CASD1: variants seen among roughly 807,000 people sequenced by gnomAD.
The protein encoded by CASD1 is CAS1 domain sialic acid O acetyltransferase 1, also known as N-acetylneuraminate (7)9-O-acetyltransferase.
CASD1 carries 41 observed loss-of-function variants against 100.0 expected under a neutral mutation model. The ratio of observed to expected loss-of-function variants is 0.41; its 90% CI spans 0.32 to 0.53. The LOEUF (loss-of-function observed/expected upper bound fraction) is 0.53. Ranked by LOEUF, CASD1 falls within the 20% of genes least tolerant of loss-of-function variation. The probability of loss-of-function intolerance (pLI) is 0.25; values close to 1 mark genes in which losing one functional copy is unlikely to be tolerated. For missense variants in CASD1, 774 were observed against 948.7 expected (o/e 0.82, Z 2.42); for synonymous variants, 321 against 315.6 (o/e 1.02, Z -0.18).
chr7:94,528,375 A>G, intron 5 of CASD1, 125 bp downstream of exon 5: 1 of 637,472 alleles, frequency 1.6e-6, no homozygotes, highest in Non-Finnish European at 2.6e-6. Flanking sequence ...TCTTAATAGC[A>G]ACTAAACTGT....
intron 1 of CASD1, among the ~76,000 whole-genome samples, chr7:94,512,907 A>G (rs978710118): frequency 2.6e-5 from 4 of 152,250 alleles, no homozygotes; most frequent in Non-Finnish European, 4.4e-5. Flanking sequence ...TGACTGAGCT[A>G]GGATTTAGAT....
the CASD1 span, chr7:94,623,263 T>C: frequency 2.0e-6 from 2 of 1,023,110 alleles, no homozygotes; most frequent in Non-Finnish European, 3.0e-6. Flanking sequence ...TTTTATGTAG[T>C]TATAAAACAT....
At chr7:94,511,825 G>A (rs1330445890) in intron 1 of CASD1, among the ~76,000 whole-genome samples, 1 of 151,998 alleles carries the variant, frequency 6.6e-6, no homozygotes. Context: ...TTAGATTATA[G>A]ATTTCATCTT....
the CASD1 span, chr7:94,618,780 G>T: frequency 6.2e-7 from 1 of 1,613,882 alleles, no homozygotes; most frequent in Non-Finnish European, 8.5e-7. Flanking sequence ...TCATTAATGG[G>T]AAGTGGCACC....
chr7:94,588,744 G>T, the CASD1 span: 1 of 1,613,160 alleles, frequency 6.2e-7, no homozygotes, highest in South Asian at 1.1e-5. Flanking sequence ...TAGAAATGAT[G>T]AACATTTTTG....
chr7:94,603,207 A>G, the CASD1 span: 1 of 1,076,252 alleles, frequency 9.3e-7, no homozygotes, highest in Non-Finnish European at 1.4e-6. Flanking sequence ...ATTTATTCCT[A>G]AAAGCAGTTC....
Position 94,551,443 on chromosome 7 carries a change from A to C in CASD1, c.1921A>C (p.Asn641His), listed in dbSNP as rs140680444. Residue 641 changes from asparagine to histidine, a missense_variant, in exon 15 of 18, where the codon AAT (asparagine) becomes CAT (histidine). Physicochemically the swap from Asn to His is moderately conservative, Grantham distance 68. This residue lies in a region of CASD1 where 175 missense variants were observed against 206.9 expected (regional missense o/e 0.85). Coordinates refer to ENST00000297273, the MANE Select transcript of CASD1 (RefSeq NM_022900.5). ...GEPLFSNKISNFLLFISVVSF... is the reference protein window; with the variant it reads ...GEPLFSNKISHFLLFISVVSF... Reference sequence around the variant, plus strand: ...ACCTCTTTTTTCAAACAAAATTTCAAATTTTCTGTTGTTTATTTCAGTAGT... The same window carrying C: ...ACCTCTTTTTTCAAACAAAATTTCACATTTTCTGTTGTTTATTTCAGTAGT... The C allele has an allele frequency of 2.0e-4, 307 of 1,528,162 alleles. No individual in the cohort carries two copies. In the African/African-American group the frequency reaches 3.9e-3, roughly 20 times the overall value. 94.7% of individuals were successfully genotyped at this position (1,528,162 alleles called of 1,614,324 possible).
chr7:94,623,894 A>G, the CASD1 span: 1 of 359,622 alleles, frequency 2.8e-6, no homozygotes, highest in East Asian at 4.0e-5. Context: ...TTTGGAAATC[A>G]TATCTCACTT....
rs1274260644 is a variant in CASD1 at position 94,555,686 on chromosome 7, G to C, written c.2322G>C (p.Arg774Ser). The C allele has an allele frequency of 1.9e-6, 3 of 1,613,166 alleles. No homozygotes were observed. ...AAGATAACTCATCTCTCTTGAAAAG[G>C]TTGGCATGTATAGCTGCATTTTTTT... ...IPKDNSSLLK[R>S]LACIAAFFCG... The change falls in exon 18 of 18, where the codon AGG (arginine) becomes AGC (serine). Residue 774 changes from arginine (R) to serine (S), a missense_variant. By Grantham distance (110) the Arg-to-Ser change is moderately radical. Around this residue, in one of 5 missense-constraint regions of CASD1, gnomAD observed 175 missense variants for 206.9 expected, o/e 0.85. Transcript: ENST00000297273.
the CASD1 span, among the ~76,000 whole-genome samples, chr7:94,630,350 C>G: frequency 6.6e-6 from 1 of 151,666 alleles, no homozygotes; most frequent in African/African-American, 2.4e-5. Context: ...ACATGTAATG[C>G]GGTTTTTACG....
At chr7:94,622,274 C>A in the CASD1 span, 1 of 152,094 alleles carries the variant, frequency 6.6e-6, no homozygotes, top group Non-Finnish European at 1.5e-5. Flanking sequence ...GGATCAGTTT[C>A]CCTCCTGTCA....
At chr7:94,567,166 G>C in the CASD1 span, among the ~76,000 whole-genome samples, 1 of 150,026 alleles carries the variant, frequency 6.7e-6, no homozygotes, top group Non-Finnish European at 1.5e-5. Context: ...AACCAAGTCT[G>C]TGAGTTCACA....
At chr7:94,557,756 TATA>T (rs1413072109), downstream of CASD1, among the ~76,000 whole-genome samples, 4 of 151,766 alleles carry the variant, frequency 2.6e-5, no homozygotes, top group African/African-American at 4.8e-5. Flanking sequence ...CATATAATTA[TATA>T]ATAATCTGTA....
At position 94,537,904 on chromosome 7, in the gene CASD1, AT is replaced by A; in HGVS notation, c.1266+14del. ...TGAAAATACTAAAGAGGTAAGAGTC[AT>A]TTTCTTTTTAACTCATGTTACCCTT... On this transcript the variant is annotated intron_variant, in intron 9 of 17. Coordinates refer to ENST00000297273, the MANE Select transcript of CASD1 (RefSeq NM_022900.5). 7.2e-7 allele frequency: 1 copy of A among 1,382,622 alleles called. No individual in the cohort carries two copies. Among genetic ancestry groups the A allele is most frequent in the Non-Finnish European group, 1.0e-6 (1 of 982,820 alleles). 85.6% of individuals were successfully genotyped at this position (1,382,622 alleles called of 1,614,324 possible).
chr7:94,617,928 G>T, the CASD1 span: 1 of 152,176 alleles, frequency 6.6e-6, no homozygotes, highest in African/African-American at 2.4e-5. Flanking sequence ...TATGGGCGAA[G>T]AAGTTGAAAG....
At chr7:94,619,457 C>T in the CASD1 span, 3 of 152,272 alleles carry the variant, frequency 2.0e-5, no homozygotes, top group Non-Finnish European at 2.9e-5. Context: ...GTGTTTTTTC[C>T]TCCTCAATGT....
intron 13 of CASD1, among the ~76,000 whole-genome samples, chr7:94,549,237 G>A (rs1284626993): frequency 6.6e-6 from 1 of 151,592 alleles, no homozygotes; most frequent in East Asian, 1.9e-4. Context: ...TTGATTTGGG[G>A]GCTTAAGAAA....
chr7:94,567,878 T>C, the CASD1 span, among the ~76,000 whole-genome samples: 17 of 152,214 alleles, frequency 1.1e-4, no homozygotes, highest in Non-Finnish European at 1.8e-4. Flanking sequence ...TAGCTTTTTA[T>C]GTATTCTTAC....
At chr7:94,511,464 A>C (rs982928540) in intron 1 of CASD1, among the ~76,000 whole-genome samples, 5 of 152,186 alleles carry the variant, frequency 3.3e-5, no homozygotes, top group African/African-American at 1.2e-4. Context: ...TAGTATACTA[A>C]ATTGATTTTA....
Sources: allele counts gnomAD v4.1 joint callset (sites outside exome capture counted in the v4.1 genomes callset), GRCh38; gene constraint gnomAD v4.1.1; regional missense constraint gnomAD v4.1.1; transcripts MANE v1.5; gene names NCBI Gene and HGNC (gene_info 2026-07-23, HGNC 2026-07-21).